GRID2: variants seen among roughly 807,000 people sequenced by gnomAD.
The protein encoded by GRID2 is glutamate ionotropic receptor delta type subunit 2, also known as glutamate receptor ionotropic, delta-2.
A neutral mutation model predicts 114.8 loss-of-function variants in GRID2; 33 were observed. That is an observed-to-expected ratio of 0.29 (90% CI 0.22 to 0.38). The LOEUF is 0.38. Ranked by LOEUF, GRID2 falls within the 10% of genes least tolerant of loss-of-function variation. The probability of loss-of-function intolerance (pLI) is 1.00; values close to 1 mark genes in which losing one functional copy is unlikely to be tolerated. For synonymous variants in GRID2, 505 were observed against 449.9 expected (o/e 1.12, Z -1.55); for missense variants, 1,184 against 1,257.7 (o/e 0.94, Z 0.89).
rs569333274 is a variant in GRID2, at chr4:92,577,781, T to G, written c.89-12350T>G. Among the ~76,000 whole-genome samples the G allele has an allele frequency of 1.6e-4, 25 of 152,100 alleles. No homozygotes were observed. In the South Asian group the frequency reaches 3.7e-3, roughly 23 times the overall value. On this transcript the variant is annotated intron_variant, in intron 1 of 15. Transcript: ENST00000282020. ...GAAATGGAATTACCATGGAATTAGG[T>G]GGTCAGAGTGGAGAACAATTAGCAT...
chr4:92,658,200 A>G (rs1732341721), intron 2 of GRID2, among the ~76,000 whole-genome samples: 1 of 151,828 alleles, frequency 6.6e-6, no homozygotes, highest in Admixed American at 6.6e-5. Context: ...TAAATGATCC[A>G]TTCAAAGTAG....
At chr4:93,543,896 T>C (rs75257136) in intron 13 of GRID2, among the ~76,000 whole-genome samples, 3,264 of 152,304 alleles carry the variant, frequency 0.021, 56 homozygotes, top group Middle Eastern at 0.061. Flanking sequence ...GATGCTGTTA[T>C]AAGAACAAAC....
intron 1 of GRID2, among the ~76,000 whole-genome samples, chr4:92,548,840 C>T (rs543864281): frequency 1.3e-5 from 2 of 152,106 alleles, no homozygotes; most frequent in Non-Finnish European, 1.5e-5. Flanking sequence ...GCCCGCACTA[C>T]ACATCGCCAG....
intron 8 of GRID2, among the ~76,000 whole-genome samples, chr4:93,325,311 T>C (rs1342149697): frequency 2.0e-5 from 3 of 152,100 alleles, no homozygotes; most frequent in Non-Finnish European, 4.4e-5. Context: ...CTTATTAAGA[T>C]TTCTAATTCT....
intron 14 of GRID2, among the ~76,000 whole-genome samples, chr4:93,696,884 C>A (rs1057360050): frequency 6.6e-6 from 1 of 152,090 alleles, no homozygotes; most frequent in Non-Finnish European, 1.5e-5. Context: ...ATTAATCTAC[C>A]TTTACAGGCT....
chr4:92,718,981 C>A (rs1735680750), intron 2 of GRID2, among the ~76,000 whole-genome samples: 1 of 151,500 alleles, frequency 6.6e-6, no homozygotes, highest in Admixed American at 6.6e-5. Context: ...ATGAAAATAT[C>A]AAAAGACAGA....
At chr4:93,407,681 T>C (rs1766594795) in intron 9 of GRID2, among the ~76,000 whole-genome samples, 1 of 151,298 alleles carries the variant, frequency 6.6e-6, no homozygotes, top group South Asian at 2.1e-4. Context: ...TCAGAATTTT[T>C]TTTTTTTCAT....
At chr4:92,985,622 A>C (rs542755169) in intron 2 of GRID2, among the ~76,000 whole-genome samples, 1 of 152,304 alleles carries the variant, frequency 6.6e-6, no homozygotes, top group South Asian at 2.1e-4. Flanking sequence ...TGACAAAAAA[A>C]TGATTTACTG....
chr4:93,609,260 G>A (rs1265865030), intron 13 of GRID2, among the ~76,000 whole-genome samples: 1 of 80,442 alleles, frequency 1.2e-5, no homozygotes, highest in African/African-American at 5.0e-5. Context: ...CATGTTGTAG[G>A]TTGCCTGTTC....
At chr4:93,409,629 G>A (rs1350181860) in intron 9 of GRID2, among the ~76,000 whole-genome samples, 3 of 152,062 alleles carry the variant, frequency 2.0e-5, no homozygotes, top group Admixed American at 6.6e-5. Context: ...ATTTTGACAC[G>A]ACCATGTCAA....
chr4:92,578,051 T>C (rs948252629), intron 1 of GRID2, among the ~76,000 whole-genome samples: 34 of 29,068 alleles, frequency 1.2e-3, no homozygotes, highest in Admixed American at 2.6e-3. Flanking sequence ...TTTCTTCTTC[T>C]TCTTCTTCTT....
At chr4:93,513,356 T>A (rs1729382141) in intron 12 of GRID2, among the ~76,000 whole-genome samples, 6 of 152,224 alleles carry the variant, frequency 3.9e-5, no homozygotes, top group Admixed American at 3.9e-4. Context: ...AATACAGTTT[T>A]ACTGATACTA....
chr4:93,188,839 G>T (rs889006017), intron 4 of GRID2, among the ~76,000 whole-genome samples: 1 of 152,076 alleles, frequency 6.6e-6, no homozygotes, highest in African/African-American at 2.4e-5. Context: ...ATTCAGTCAA[G>T]TTCCTTGTCA....
chr4:92,585,841 T>C (rs1286768417), intron 1 of GRID2, among the ~76,000 whole-genome samples: 1 of 151,958 alleles, frequency 6.6e-6, no homozygotes, highest in Admixed American at 6.6e-5. Flanking sequence ...ACCTTGTGTA[T>C]GATTATTACC....
At chr4:92,951,192 C>T (rs950098955) in intron 2 of GRID2, among the ~76,000 whole-genome samples, 2 of 151,966 alleles carry the variant, frequency 1.3e-5, no homozygotes, top group Admixed American at 6.6e-5. Context: ...CCATGGTTGT[C>T]ATCACTACAA....
rs560230003 is a variant in GRID2 at position 93,007,387 on chromosome 4, T to G, written c.245-77608T>G. ...CTTTCAGGCAAACAGATCAAATTAC[T>G]TACAAAGGAAAAAAGAAAATTAGGT... On this transcript the variant is annotated intron_variant, in intron 2 of 15. Coordinates refer to ENST00000282020, the MANE Select transcript of GRID2 (RefSeq NM_001510.4). 4.6e-5 allele frequency among the ~76,000 whole-genome samples: 7 copies of G among 152,102 alleles called. No homozygotes were observed. In the East Asian group the frequency reaches 1.2e-3, roughly 25 times the overall value.
chr4:92,500,726 T>C (rs1171606062), intron 1 of GRID2, among the ~76,000 whole-genome samples: 1 of 152,120 alleles, frequency 6.6e-6, no homozygotes, highest in Non-Finnish European at 1.5e-5. Flanking sequence ...CCAGGAGTAA[T>C]CCTGCCTGAT....
At chr4:93,584,764 T>C (rs1737362857) in intron 13 of GRID2, among the ~76,000 whole-genome samples, 2 of 152,160 alleles carry the variant, frequency 1.3e-5, no homozygotes, top group Non-Finnish European at 2.9e-5. Context: ...CTGTCTTTTC[T>C]GCATAATTAA....
chr4:93,034,651 T>C (rs1225825424), intron 2 of GRID2, among the ~76,000 whole-genome samples: 1 of 152,194 alleles, frequency 6.6e-6, no homozygotes, highest in African/African-American at 2.4e-5. Flanking sequence ...CTAGACATTA[T>C]ATTACATTTC....
Sources: allele counts gnomAD v4.1 joint callset (sites outside exome capture counted in the v4.1 genomes callset), GRCh38; gene constraint gnomAD v4.1.1; transcripts MANE v1.5; gene names NCBI Gene and HGNC (gene_info 2026-07-23, HGNC 2026-07-21).